Variants in PAPPA2 observed in about 807,000 individuals in gnomAD.
PAPPA2 encodes pappalysin 2, also known as pappalysin-2.
PAPPA2 carries 86 observed loss-of-function variants against 176.4 expected under a neutral mutation model. The ratio of observed to expected loss-of-function variants is 0.49; its 90% CI spans 0.41 to 0.58. The LOEUF (loss-of-function observed/expected upper bound fraction) is 0.58, where lower values mean the gene tolerates loss of function less well. Among genes scored for constraint, PAPPA2 ranks in the 20% least tolerant of loss-of-function variants. PAPPA2 has a pLI of 0.00. For missense variants in PAPPA2, 2,073 were observed against 2,256.9 expected, an observed-to-expected ratio of 0.92 and a Z score of 1.65; for synonymous variants, 809 against 852.2, an observed-to-expected ratio of 0.95 and a Z score of 0.88.
At chr1:176,659,694 A>G (rs933792704) in intron 3 of PAPPA2, among the ~76,000 whole-genome samples, 4 of 152,268 alleles carry the variant, frequency 2.6e-5, no homozygotes, top group Non-Finnish European at 5.9e-5. Flanking sequence ...AATAATGAGA[A>G]TGTGTTTAAT....
intron 2 of PAPPA2, among the ~76,000 whole-genome samples, chr1:176,578,511 C>G (rs781441884): frequency 6.6e-6 from 1 of 152,100 alleles, no homozygotes; most frequent in Non-Finnish European, 1.5e-5. Context: ...GAAATACAAC[C>G]CATCCTTTCT....
chr1:176,774,132 G>C (rs971768895), intron 17 of PAPPA2, among the ~76,000 whole-genome samples: 77 of 152,236 alleles, frequency 5.1e-4, no homozygotes, highest in African/African-American at 1.7e-3. Flanking sequence ...CTTCCTGTCT[G>C]TCCACCCTTG....
chr1:176,811,553 A>G (rs2102962876), intron 21 of PAPPA2, among the ~76,000 whole-genome samples: 1 of 152,324 alleles, frequency 6.6e-6, no homozygotes, highest in South Asian at 2.1e-4. Context: ...CAGCTACTAG[A>G]CTTCTAGCAG....
At chr1:176,823,899 G>A (rs1291607649) in intron 21 of PAPPA2, among the ~76,000 whole-genome samples, 1 of 152,108 alleles carries the variant, frequency 6.6e-6, no homozygotes, top group Non-Finnish European at 1.5e-5. Flanking sequence ...TGGCAAAATT[G>A]AACCATGGAG....
chr1:176,716,231 C>CCT (rs1661362630), intron 12 of PAPPA2, among the ~76,000 whole-genome samples: 1 of 133,234 alleles, frequency 7.5e-6, no homozygotes, highest in Non-Finnish European at 1.6e-5. Flanking sequence ...TAACCTCTTT[C>CCT]TTTTTTTTTT....
intron 20 of PAPPA2, among the ~76,000 whole-genome samples, chr1:176,797,032 A>G (rs565726998): frequency 1.1e-4 from 17 of 152,362 alleles, no homozygotes; most frequent in Non-Finnish European, 2.2e-4. Context: ...GGAAAGTTCA[A>G]AACAAATCTT....
At chr1:176,487,361 C>G (rs751074124) in intron 1 of PAPPA2, among the ~76,000 whole-genome samples, 1 of 152,160 alleles carries the variant, frequency 6.6e-6, no homozygotes, top group African/African-American at 2.4e-5. Flanking sequence ...CCTACCTTCT[C>G]ACTGTGGAAA....
chr1:176,514,962 T>C (rs1237421400), intron 1 of PAPPA2, among the ~76,000 whole-genome samples: 2 of 152,190 alleles, frequency 1.3e-5, no homozygotes, highest in African/African-American at 4.8e-5. Flanking sequence ...ATATTAAGCA[T>C]TGAGGAAGAG....
At chr1:176,664,308 G>A (rs1177283444) in intron 3 of PAPPA2, among the ~76,000 whole-genome samples, 3 of 152,302 alleles carry the variant, frequency 2.0e-5, no homozygotes, top group African/African-American at 4.8e-5. Context: ...TCTAGAGGAC[G>A]ATCTACTGCT....
chr1:176,772,639 G>C (rs1468389302), intron 17 of PAPPA2, among the ~76,000 whole-genome samples: 1 of 152,104 alleles, frequency 6.6e-6, no homozygotes, highest in South Asian at 2.1e-4. Context: ...AAACAATACT[G>C]ATGAAAAATT....
chr1:176,839,837 A>C (rs563914503), intron 21 of PAPPA2, among the ~76,000 whole-genome samples: 21 of 152,328 alleles, frequency 1.4e-4, no homozygotes, highest in African/African-American at 4.3e-4. Context: ...CAACAGAGTT[A>C]AAAATATGTT....
Position 176,556,952 on chromosome 1 carries a change from G to C in PAPPA2, c.630G>C (p.Gln210His). 3 of 1,614,104 alleles carry C rather than the reference G, an allele frequency of 1.9e-6. No individual in the cohort carries two copies. Among genetic ancestry groups the C allele is most frequent in the Non-Finnish European group, 2.5e-6 (3 of 1,180,012 alleles). The change falls in exon 2 of 23, where the codon CAG (glutamine) becomes CAC (histidine). Residue 210 changes from glutamine (Q) to histidine (H), a missense_variant. By Grantham distance (24) the Gln-to-His change is conservative. Transcript: ENST00000367662. ...GGAAGAGGCGGGCGGAAGATGGGCA[G>C]GGAGACTCCGGTATCTCTTCACATT... ...QVWKRRAEDG[Q>H]GDSGISSHFQ...
intron 5 of PAPPA2, 157 bp downstream of exon 5, chr1:176,690,587 A>G (rs1468302832): frequency 5.0e-6 from 7 of 1,412,874 alleles, no homozygotes; most frequent in South Asian, 1.8e-5. Flanking sequence ...TTATTTTTTC[A>G]TGTCTTTGAA....
chr1:176,790,370 T>C (rs1665121071), intron 18 of PAPPA2, among the ~76,000 whole-genome samples: 1 of 152,168 alleles, frequency 6.6e-6, no homozygotes, highest in Non-Finnish European at 1.5e-5. Flanking sequence ...AAGCTGGAAG[T>C]GCTGTTTGAC....
At chr1:176,620,051 G>A (rs563400994) in intron 3 of PAPPA2, among the ~76,000 whole-genome samples, 7 of 152,266 alleles carry the variant, frequency 4.6e-5, no homozygotes, top group African/African-American at 1.7e-4. Flanking sequence ...CTAGAGGCTG[G>A]GAAGTCCAAG....
At chr1:176,824,105 A>G (rs1402038376) in intron 21 of PAPPA2, among the ~76,000 whole-genome samples, 1 of 152,196 alleles carries the variant, frequency 6.6e-6, no homozygotes, top group Non-Finnish European at 1.5e-5. Flanking sequence ...GTGGTGGATG[A>G]CAGTACCGTG....
At chr1:176,836,526 G>C (rs1168715384) in intron 21 of PAPPA2, 1 of 152,232 alleles carries the variant, frequency 6.6e-6, no homozygotes, top group Admixed American at 6.5e-5. Flanking sequence ...GTTCAAGAAA[G>C]AGAGATCTTA....
intron 12 of PAPPA2, among the ~76,000 whole-genome samples, chr1:176,726,855 G>A (rs1285873440): frequency 6.6e-6 from 1 of 152,132 alleles, no homozygotes; most frequent in African/African-American, 2.4e-5. Flanking sequence ...AGCGTAAGTG[G>A]GTAAAAAAGG....
Position 176,824,127 on chromosome 1 carries a change from T to G in PAPPA2, c.5203-16046T>G, listed in dbSNP as rs142025893. On this transcript the variant is annotated intron_variant, in intron 21 of 22. Transcript: ENST00000367662. ...ATGACAGTACCGTGGGCTTGCCTCT[T>G]ACACTGTCTCAGTTTGCTCTGAAAT... Among the ~76,000 whole-genome samples, 61 of 152,346 alleles carry G rather than the reference T, an allele frequency of 4.0e-4. No individual in the cohort carries two copies. The East Asian group carries it at 0.011, about 28-fold the overall frequency.
Sources: allele counts gnomAD v4.1 joint callset (sites outside exome capture counted in the v4.1 genomes callset), GRCh38; gene constraint gnomAD v4.1.1; transcripts MANE v1.5; gene names NCBI Gene and HGNC (gene_info 2026-07-23, HGNC 2026-07-21).